WWOX: variants seen among roughly 807,000 people sequenced by gnomAD.
WWOX encodes the protein WW domain-containing oxidoreductase.
Under a neutral mutation model 46.2 loss-of-function variants are expected in WWOX, and 69 were observed. The ratio of observed to expected loss-of-function variants is 1.49; its 90% CI spans 1.23 to 1.82. The LOEUF is 1.82. Ranked by LOEUF, WWOX falls within the 40% of genes most tolerant of loss-of-function variation. WWOX has a pLI of 0.00. For missense variants in WWOX, 919 were observed against 542.6 expected (o/e 1.69, Z -6.89); for synonymous variants, 359 against 202.6 (o/e 1.77, Z -6.56).
intron 8 of WWOX, among the ~76,000 whole-genome samples, chr16:78,589,768 G>A (rs899602047): frequency 1.3e-5 from 2 of 152,140 alleles, no homozygotes; most frequent in Non-Finnish European, 2.9e-5. Flanking sequence ...TCATTTAATA[G>A]GTTGGTCATC....
At chr16:78,976,781 TC>T (rs2046581152) in intron 8 of WWOX, among the ~76,000 whole-genome samples, 1 of 152,172 alleles carries the variant, frequency 6.6e-6, no homozygotes, top group African/African-American at 2.4e-5. Flanking sequence ...AAATACTTTT[TC>T]CATGAGGCAG....
rs146166127 is a variant in WWOX at position 78,958,364 on chromosome 16, G to A, written c.1057-253244G>A. Reference sequence around the variant, plus strand: ...CTAGTGTAACTAGACAAAAAAGATGGTACAAACCCCCATGGAAATATATAC... The same window carrying A: ...CTAGTGTAACTAGACAAAAAAGATGATACAAACCCCCATGGAAATATATAC... On this transcript the variant is annotated intron_variant, in intron 8 of 8. Transcript: ENST00000566780. Among the ~76,000 whole-genome samples the A allele has an allele frequency of 7.6e-3, 1,153 of 152,176 alleles. 15 individuals carry two copies. The highest frequency in any genetic ancestry group is 0.026 in the African/African-American group (1,094 of 41,508).
intron 8 of WWOX, among the ~76,000 whole-genome samples, chr16:78,479,400 C>T (rs1007988647): frequency 6.6e-6 from 1 of 152,116 alleles, no homozygotes; most frequent in African/African-American, 2.4e-5. Flanking sequence ...TTAGAGAATG[C>T]TTTCATTGTA....
chr16:79,104,917 C>T (rs1241092836), intron 8 of WWOX, among the ~76,000 whole-genome samples: 1 of 152,182 alleles, frequency 6.6e-6, no homozygotes, highest in Non-Finnish European at 1.5e-5. Flanking sequence ...CTGCGCCTGG[C>T]TAATTACTCA....
At chr16:78,428,349 C>T (rs2083135821) in intron 7 of WWOX, among the ~76,000 whole-genome samples, 1 of 151,160 alleles carries the variant, frequency 6.6e-6, no homozygotes. Context: ...CTGGCTCAGA[C>T]AGATAAGAAG....
At chr16:78,677,274 C>T (rs973459453) in intron 8 of WWOX, among the ~76,000 whole-genome samples, 2 of 152,082 alleles carry the variant, frequency 1.3e-5, no homozygotes, top group Non-Finnish European at 2.9e-5. Flanking sequence ...AGGATTCTTG[C>T]AAATGTTTTT....
intron 8 of WWOX, among the ~76,000 whole-genome samples, chr16:78,466,294 G>A (rs1473560797): frequency 6.6e-6 from 1 of 152,128 alleles, no homozygotes; most frequent in Non-Finnish European, 1.5e-5. Context: ...GCCTCCCAAA[G>A]TGCTGGGATT....
chr16:78,615,133 G>T (rs939827981), intron 8 of WWOX, among the ~76,000 whole-genome samples: 3 of 152,108 alleles, frequency 2.0e-5, no homozygotes, highest in African/African-American at 7.2e-5. Context: ...TATATTTTTA[G>T]CTAAATTAAA....
At chr16:78,258,424 C>A (rs2038186885) in intron 5 of WWOX, among the ~76,000 whole-genome samples, 1 of 152,042 alleles carries the variant, frequency 6.6e-6, no homozygotes, top group Non-Finnish European at 1.5e-5. Flanking sequence ...AACTAAAATG[C>A]CTTCAGCGAT....
chr16:78,106,232 A>G (rs558061165), intron 1 of WWOX, among the ~76,000 whole-genome samples: 1 of 152,286 alleles, frequency 6.6e-6, no homozygotes, highest in South Asian at 2.1e-4. Flanking sequence ...ACTTTCTTGA[A>G]GAAGCTTGAG....
At chr16:78,440,265 C>T (rs1032801172) in intron 8 of WWOX, among the ~76,000 whole-genome samples, 5 of 152,132 alleles carry the variant, frequency 3.3e-5, no homozygotes, top group African/African-American at 7.2e-5. Context: ...TAGTCTTCCC[C>T]GGTCCCCATC....
intron 8 of WWOX, among the ~76,000 whole-genome samples, chr16:79,054,552 T>A (rs905428879): frequency 2.0e-5 from 3 of 152,164 alleles, no homozygotes; most frequent in African/African-American, 4.8e-5. Flanking sequence ...TCTGGTACAG[T>A]GGCTCACACC....
At chr16:78,912,575 C>A (rs1251805279) in intron 8 of WWOX, among the ~76,000 whole-genome samples, 1 of 151,972 alleles carries the variant, frequency 6.6e-6, no homozygotes, top group East Asian at 1.9e-4. Flanking sequence ...GGGTTATATC[C>A]CCAGCACTGT....
intron 8 of WWOX, among the ~76,000 whole-genome samples, chr16:78,922,491 G>T (rs1379174836): frequency 6.6e-6 from 1 of 151,238 alleles, no homozygotes; most frequent in East Asian, 1.9e-4. Flanking sequence ...CGATTCTCGT[G>T]CCTCAGCCTC....
At chr16:79,091,427 C>G (rs1271537053) in intron 8 of WWOX, among the ~76,000 whole-genome samples, 1 of 152,086 alleles carries the variant, frequency 6.6e-6, no homozygotes, top group Non-Finnish European at 1.5e-5. Context: ...CAACATATAC[C>G]AGCTTCCCCA....
chr16:78,908,516 G>T (rs1018632670), intron 8 of WWOX, among the ~76,000 whole-genome samples: 1 of 146,280 alleles, frequency 6.8e-6, no homozygotes, highest in Admixed American at 7.1e-5. Context: ...CTCCAGCCTG[G>T]GCGACAGACT....
intron 8 of WWOX, among the ~76,000 whole-genome samples, chr16:78,806,584 A>T (rs141683751): frequency 6.6e-6 from 1 of 152,056 alleles, no homozygotes; most frequent in Non-Finnish European, 1.5e-5. Context: ...GAACACCTAC[A>T]CATTGTCTCC....
chr16:78,831,530 C>T (rs928630173), intron 8 of WWOX, among the ~76,000 whole-genome samples: 1 of 152,302 alleles, frequency 6.6e-6, no homozygotes, highest in South Asian at 2.1e-4. Context: ...GGTGCCCATG[C>T]CCGGGTGCAC....
chr16:78,425,166 G>C (rs1567565592), intron 7 of WWOX, 111 bp downstream of exon 7: 2 of 1,431,766 alleles, frequency 1.4e-6, no homozygotes, highest in Non-Finnish European at 1.9e-6. Flanking sequence ...TGAGACATGT[G>C]GGTGGACTCA....
Sources: allele counts gnomAD v4.1 joint callset (sites outside exome capture counted in the v4.1 genomes callset), GRCh38; gene constraint gnomAD v4.1.1; transcripts MANE v1.5; gene names NCBI Gene and HGNC (gene_info 2026-07-23, HGNC 2026-07-21).